The following ETNPPL variants were observed in gnomAD, a reference collection of about 807,000 sequenced individuals.
The protein encoded by ETNPPL is ethanolamine-phosphate phospho-lyase.
Under a neutral mutation model 55.5 loss-of-function variants are expected in ETNPPL, and 30 were observed. The observed-to-expected ratio is 0.54, with a 90% CI of 0.40 to 0.73. ETNPPL has a LOEUF of 0.73. Ranked by LOEUF, ETNPPL falls within the 30% of genes least tolerant of loss-of-function variation. ETNPPL has a pLI of 0.00. For missense variants in ETNPPL, 528 were observed against 607.9 expected (o/e 0.87, Z 1.38); for synonymous variants, 202 against 207.2 (o/e 0.98, Z 0.21).
At chr4:108,745,457 G>C (rs1408411136) in intron 11 of ETNPPL, among the ~76,000 whole-genome samples, 1 of 151,884 alleles carries the variant, frequency 6.6e-6, no homozygotes, top group Non-Finnish European at 1.5e-5. Flanking sequence ...AGCTGGGTGT[G>C]GTGGCATGCT....
At position 108,747,986 on chromosome 4, in the gene ETNPPL, A is replaced by T; in HGVS notation, c.1082+19T>A. On this transcript the variant is annotated intron_variant, in intron 9 of 12. Coordinates refer to ENST00000296486, the MANE Select transcript of ETNPPL (RefSeq NM_031279.4). ...TGAAAAAAATGAGTAACTACATGAC[A>T]ACTTCATAATGAACATACCTAATAT... 6.3e-7 allele frequency: 1 copy of T among 1,592,978 alleles called. No individual in the cohort carries two copies. Among genetic ancestry groups the T allele is most frequent in the Non-Finnish European group, 8.5e-7 (1 of 1,170,208 alleles).
At chr4:108,742,725 C>A (rs1454287892) in intron 12 of ETNPPL, 113 bp from the exon 13 acceptor site, 2 of 1,173,622 alleles carry the variant, frequency 1.7e-6, no homozygotes, top group Non-Finnish European at 2.5e-6. Context: ...CCAAACAAAA[C>A]AACACTGCTT....
chr4:108,762,209 C>A (rs571912133), intron 1 of ETNPPL: 46 of 367,758 alleles, frequency 1.3e-4, no homozygotes, highest in Non-Finnish European at 2.1e-4. Context: ...ATTACTAAGT[C>A]GTTTGTGACG....
In ETNPPL at chr4:108,756,448, C is replaced by A. The variant is rs189717933; in HGVS notation, c.380G>T (p.Arg127Ile). 6.2e-7 allele frequency: 1 copy of A among 1,614,036 alleles called. No homozygotes were observed. Among genetic ancestry groups the A allele is most frequent in the Non-Finnish European group, 8.5e-7 (1 of 1,180,000 alleles). Residue 127 changes from arginine (R) to isoleucine (I), a missense_variant, in exon 4 of 13, where the codon AGA becomes ATA. Arg to Ile is a moderately conservative substitution (Grantham distance 97). Coordinates refer to ENST00000296486, the MANE Select transcript of ETNPPL (RefSeq NM_031279.4). ...AAGAGTGATCACATCCTGGTGGCCT[C>A]TGAACTGCCGAGCCAGGCGTAAGGC... ...DLALRLARQF[R>I]GHQDVITLDH...
chr4:108,749,454 G>A lies in ETNPPL; in HGVS notation c.711C>T (p.His237=), dbSNP rs201666145. 2.1e-5 allele frequency: 34 copies of A among 1,612,956 alleles called. No individual in the cohort carries two copies. The East Asian group carries it at 2.2e-4, about 11-fold the overall frequency. ...GYFQKVAEYV[H]GAGGVFIADE... ...CAGCTATAAACACACCCCCTGCACC[G>A]TGTACATATCTGAAAAGCAAAGCGG... Residue 237 remains histidine, a synonymous_variant, in exon 8 of 13, where the codon CAC becomes CAT. Transcript: ENST00000296486.
chr4:108,748,055 A>G lies in ETNPPL; in HGVS notation c.1032T>C (p.Thr344=). The change falls in exon 9 of 13, where the codon ACT becomes ACC. Residue 344 remains threonine, a synonymous_variant. Transcript: ENST00000296486. The part of the protein sequence containing the change: ...GNAKRVGNYL[T]ELLKKQKAKH... Reference sequence around the variant, plus strand: ...TAGCCTTCTGTTTTTTCAGTAACTCAGTGAGATAATTCCCTACTCTCTTGG... The same window carrying G: ...TAGCCTTCTGTTTTTTCAGTAACTCGGTGAGATAATTCCCTACTCTCTTGG... 1.9e-6 allele frequency: 3 copies of G among 1,612,176 alleles called. No homozygotes were observed. The highest frequency in any genetic ancestry group is 2.5e-6 in the Non-Finnish European group (3 of 1,179,070).
chr4:108,756,377 G>A, intron 4 of ETNPPL, 41 bp downstream of exon 4: 1 of 1,430,724 alleles, frequency 7.0e-7, no homozygotes, highest in Non-Finnish European at 9.9e-7. Flanking sequence ...TTTTGTCTCT[G>A]AAGAAGCTTC....
intron 9 of ETNPPL, among the ~76,000 whole-genome samples, chr4:108,747,359 G>A (rs1166336141): frequency 6.8e-6 from 1 of 147,934 alleles, no homozygotes; most frequent in Non-Finnish European, 1.5e-5. Flanking sequence ...GCTACATTAA[G>A]TTCCTTCTTT....
intron 4 of ETNPPL, among the ~76,000 whole-genome samples, chr4:108,755,890 T>C (rs1202342956): frequency 2.0e-5 from 3 of 152,244 alleles, no homozygotes; most frequent in African/African-American, 4.8e-5. Flanking sequence ...TAAAATGTAA[T>C]AAATTCATGT....
Position 108,750,614 on chromosome 4 carries a change from G to GATATATATTTTATATATAT in ETNPPL, c.701+321_701+322insATATATATAAAATATATAT, listed in dbSNP as rs1164661418. Among the ~76,000 whole-genome samples the GATATATATTTTATATATAT allele has an allele frequency of 8.9e-3, 1,083 of 121,642 alleles. 89 individuals are homozygous for GATATATATTTTATATATAT. Among genetic ancestry groups the GATATATATTTTATATATAT allele is most frequent in the African/African-American group, 0.032 (988 of 30,702 alleles). 79.8% of individuals were successfully genotyped at this position (121,642 alleles called of 152,430 possible). On this transcript the variant is annotated intron_variant, in intron 7 of 12. Transcript: ENST00000296486. ...GATATATCATATATGATATATATAG[G>GATATATATTTTATATATAT]ATATATATATATCCTATTAGTTTGG...
chr4:108,750,323 C>G lies in ETNPPL; in HGVS notation c.701+613G>C, dbSNP rs1054028176. On this transcript the variant is annotated intron_variant, in intron 7 of 12. Transcript: ENST00000296486. The stretch of plus-strand genomic sequence containing the variant: ...GGCAGAAAAATGTGAAGAGGAGAGA[C>G]TGGCCTAGCCTCCCAGCCTACATCT... Among the ~76,000 whole-genome samples, 26 of 152,002 alleles carry G rather than the reference C, an allele frequency of 1.7e-4. 1 individual carries two copies. Among genetic ancestry groups the G allele is most frequent in the Non-Finnish European group, 1.5e-5 (1 of 68,016 alleles).
intron 4 of ETNPPL, among the ~76,000 whole-genome samples, chr4:108,756,167 C>T (rs1363592903): frequency 2.0e-5 from 3 of 152,170 alleles, no homozygotes; most frequent in Admixed American, 1.3e-4. Context: ...TTCATGCAAA[C>T]TCCATGAAGC....
intron 1 of ETNPPL, 137 bp from the exon 2 acceptor site, chr4:108,760,443 TC>T (rs1422285335): frequency 2.0e-6 from 1 of 512,454 alleles, no homozygotes; most frequent in Non-Finnish European, 3.5e-6. Context: ...GACATACATT[TC>T]TTTTCATTTC....
chr4:108,744,043 A>C (rs60405205), intron 11 of ETNPPL, among the ~76,000 whole-genome samples, 187 bp from the exon 12 acceptor site: 13,185 of 152,296 alleles, frequency 0.087, 1,057 homozygotes, highest in East Asian at 0.48. Context: ...AGGGCGGATC[A>C]CAAGGTCAGG....
chr4:108,742,485 C>A lies in ETNPPL; in HGVS notation c.1499G>T (p.Ter500LeuextTer18). ...ATCTTGCTTTAAAATGCAAATCAGT[C>A]ATGTCTTGAGCCTCTTACTGAGCAG... ...HSLLSKRLKT* is the reference protein window; with the variant it reads ...HSLLSKRLKTL Residue 500 changes from the stop codon to leucine (L), a stop_lost, in exon 13 of 13, where the codon TGA becomes TTA. Coordinates refer to ENST00000296486, the MANE Select transcript of ETNPPL (RefSeq NM_031279.4). 2 of 1,614,048 alleles carry A rather than the reference C, an allele frequency of 1.2e-6. No individual in the cohort carries two copies. Among genetic ancestry groups the A allele is most frequent in the South Asian group, 1.1e-5 (1 of 91,040 alleles).
chr4:108,762,710 G>T, intron 1 of ETNPPL, 133 bp downstream of exon 1: 1 of 1,120,336 alleles, frequency 8.9e-7, no homozygotes, highest in Non-Finnish European at 1.4e-6. Context: ...CGCGCGGGGC[G>T]CGTGCACAGG....
At chr4:108,753,773 AAAG>A (rs1560656280) in intron 5 of ETNPPL, among the ~76,000 whole-genome samples, 31 of 127,296 alleles carry the variant, frequency 2.4e-4, no homozygotes, top group African/African-American at 9.8e-4. Flanking sequence ...AGAAAGAAAG[AAAG>A]AAAGAAAGAA....
intron 8 of ETNPPL, among the ~76,000 whole-genome samples, chr4:108,748,734 C>T (rs1273282432): frequency 6.6e-6 from 1 of 151,928 alleles, no homozygotes; most frequent in African/African-American, 2.4e-5. Flanking sequence ...CATAAAAATA[C>T]TTTAAAAGTG....
intron 8 of ETNPPL, among the ~76,000 whole-genome samples, 198 bp downstream of exon 8, chr4:108,749,040 T>A (rs987600186): frequency 3.9e-5 from 6 of 152,140 alleles, no homozygotes; most frequent in African/African-American, 1.4e-4. Flanking sequence ...TCTACTCATG[T>A]ATCCCAGAAC....
Sources: gnomAD v4.1 joint callset for allele counts (sites outside exome capture counted in the v4.1 genomes callset) on GRCh38, gnomAD v4.1.1 for gene constraint, MANE v1.5 for transcripts, NCBI Gene and HGNC (gene_info 2026-07-23, HGNC 2026-07-21) for gene names.